Variants in PARVB observed in about 807,000 individuals in gnomAD.
The protein encoded by PARVB is beta-parvin.
In PARVB, 46 loss-of-function variants were observed where a neutral mutation model predicts 47.0. That is an observed-to-expected ratio of 0.98 (90% CI 0.77 to 1.25). The LOEUF is 1.25. PARVB is among the 50% of genes most tolerant of loss of function. The pLI is 0.00. For missense variants in PARVB, 473 were observed against 471.6 expected (o/e 1.00, Z -0.03); for synonymous variants, 196 against 196.3 (o/e 1.00, Z 0.01).
chr22:44,069,539 T>C (rs559102093), intron 1 of PARVB, among the ~76,000 whole-genome samples: 2 of 152,094 alleles, frequency 1.3e-5, no homozygotes, highest in South Asian at 2.1e-4. Flanking sequence ...CTTTTTTTTT[T>C]CTCTCTGAGA....
At chr22:44,140,600 G>C (rs1388278791) in intron 8 of PARVB, 5 of 520,054 alleles carry the variant, frequency 9.6e-6, no homozygotes, top group Non-Finnish European at 1.9e-5. Flanking sequence ...CTTCCTTAGA[G>C]TCAGGCAGCC....
rs555262354 is a variant in PARVB, at chr22:44,103,741, C to G, written c.273+3618C>G. ...TGCCCATGAACATGGCAGCTTGACC[C>G]TGGAGGCAAGGTGGTAGCTTCTGGC... On this transcript the variant is annotated intron_variant, in intron 3 of 12. Transcript: ENST00000338758. This position sits in a 1 kb window ranked among gnomAD's most constrained non-coding sequence, Gnocchi z 4.6. The G allele has an allele frequency of 6.6e-6, 1 of 152,362 alleles. No individual in the cohort carries two copies. The highest frequency in any genetic ancestry group is 2.4e-5 in the African/African-American group (1 of 41,584). The allele number at this position is 152,362 out of a possible 1,614,324, so 9.4% of individuals were successfully genotyped here.
At chr22:44,090,214 A>T (rs1475547547) in intron 1 of PARVB, among the ~76,000 whole-genome samples, 1 of 152,210 alleles carries the variant, frequency 6.6e-6, no homozygotes, top group African/African-American at 2.4e-5. Context: ...CCACACACCA[A>T]CAAGTGGCAA....
At position 44,171,105 on chromosome 22, in the gene PARVB, C is replaced by T. The variant is rs4823199; in HGVS notation, c.*2427C>T. 0.34 allele frequency: 51,266 copies of T among 152,220 alleles called. 8,927 individuals are homozygous for T. The highest frequency in any genetic ancestry group is 0.43 in the Admixed American group (6,551 of 15,298). The allele number at this position is 152,220 out of a possible 1,614,324, so 9.4% of individuals were successfully genotyped here. On this transcript the variant is annotated 3_prime_UTR_variant, in exon 13 of 13. Transcript: ENST00000338758. ...GCTGCCTGCATGGCATGTACAGGAC[C>T]GCGGCCCCCTGGAGCTGGTGGAGTG...
intron 3 of PARVB, among the ~76,000 whole-genome samples, chr22:44,117,711 C>G (rs560540269): frequency 3.3e-5 from 5 of 152,272 alleles, no homozygotes; most frequent in African/African-American, 1.2e-4. Flanking sequence ...GCCAATATTG[C>G]AGGTTGCAGC....
At chr22:44,162,409 C>A (rs368649913) in intron 11 of PARVB, among the ~76,000 whole-genome samples, 2 of 152,208 alleles carry the variant, frequency 1.3e-5, no homozygotes, top group Admixed American at 6.5e-5. Context: ...GCAACCTCCG[C>A]CTCCTGGGTT....
chr22:44,023,213 C>A (rs2050671587), upstream of PARVB, among the ~76,000 whole-genome samples: 1 of 152,094 alleles, frequency 6.6e-6, no homozygotes, highest in Non-Finnish European at 1.5e-5. Context: ...AGCTCAAAGC[C>A]CTGCCTGGGT....
intron 12 of PARVB, chr22:44,168,325 C>G: frequency 4.9e-6 from 2 of 406,526 alleles, no homozygotes; most frequent in Non-Finnish European, 9.2e-6. Context: ...TGTCCTGATG[C>G]AGATCCAGGA....
intron 2 of PARVB, among the ~76,000 whole-genome samples, chr22:44,094,498 T>C (rs1041799052): frequency 6.6e-6 from 1 of 152,090 alleles, no homozygotes; most frequent in African/African-American, 2.4e-5. Flanking sequence ...ATTTTATGTA[T>C]ATATTTTTTG....
intron 7 of PARVB, among the ~76,000 whole-genome samples, chr22:44,137,625 G>A (rs1399720765): frequency 2.0e-5 from 3 of 152,168 alleles, no homozygotes; most frequent in Non-Finnish European, 4.4e-5. Flanking sequence ...TCTCGCCTGG[G>A]GTTGCTCATA....
At chr22:44,017,128 G>A (rs2050591998) in intron 2 of PARVB, among the ~76,000 whole-genome samples, 1 of 152,158 alleles carries the variant, frequency 6.6e-6, no homozygotes, top group South Asian at 2.1e-4. Context: ...GCCTGCCTCA[G>A]CCTCCCAAAG....
At chr22:44,134,172 ACCCTGGGAG>A (rs2053391025) in intron 6 of PARVB, among the ~76,000 whole-genome samples, 1 of 151,650 alleles carries the variant, frequency 6.6e-6, no homozygotes, top group South Asian at 2.1e-4. Flanking sequence ...CCCCTCTGTT[ACCCTGGGAG>A]CTCAGTCTTG....
chr22:44,135,722 C>T (rs2053428755), intron 6 of PARVB, among the ~76,000 whole-genome samples: 2 of 152,202 alleles, frequency 1.3e-5, no homozygotes, highest in Non-Finnish European at 2.9e-5. Context: ...AAGATGTTGT[C>T]AGGGTAGGAT....
chr22:44,108,873 G>A (rs1332191323), intron 3 of PARVB: 1 of 152,104 alleles, frequency 6.6e-6, no homozygotes, highest in Non-Finnish European at 1.5e-5. Flanking sequence ...GCAAGTCACA[G>A]GGGATGCGAT....
At chr22:44,075,842 C>T (rs892430945) in intron 1 of PARVB, among the ~76,000 whole-genome samples, 5 of 152,238 alleles carry the variant, frequency 3.3e-5, no homozygotes, top group Admixed American at 2.6e-4. Flanking sequence ...CTGTTTGCCT[C>T]CCAGAGGATC....
chr22:44,013,778 G>A (rs1006951841), intron 2 of PARVB, among the ~76,000 whole-genome samples: 1 of 152,174 alleles, frequency 6.6e-6, no homozygotes, highest in East Asian at 1.9e-4. Context: ...GATTACAGGT[G>A]CCCGCCACCA....
intron 1 of PARVB, among the ~76,000 whole-genome samples, chr22:44,059,978 G>A (rs527824523): frequency 3.9e-5 from 6 of 152,058 alleles, no homozygotes; most frequent in East Asian, 1.9e-4. Context: ...GTGGGAAGGC[G>A]GAAAGGGCAC....
chr22:44,066,988 T>C, intron 1 of PARVB, among the ~76,000 whole-genome samples: 1 of 152,146 alleles, frequency 6.6e-6, no homozygotes, highest in Non-Finnish European at 1.5e-5. Context: ...TAACTGGAAC[T>C]ACAGGTATGT....
chr22:44,130,142 G>T (rs1392470148), intron 4 of PARVB, among the ~76,000 whole-genome samples: 1 of 152,226 alleles, frequency 6.6e-6, no homozygotes, highest in Non-Finnish European at 1.5e-5. Flanking sequence ...GACTGGCCTG[G>T]ACTTGATTGC....
Sources: allele counts gnomAD v4.1 joint callset (sites outside exome capture counted in the v4.1 genomes callset), GRCh38; gene constraint gnomAD v4.1.1; non-coding constraint Gnocchi (gnomAD v3.1); transcripts MANE v1.5; gene names NCBI Gene and HGNC (gene_info 2026-07-23, HGNC 2026-07-21).